METTL8: variants seen among roughly 807,000 people sequenced by gnomAD.
METTL8 encodes the protein methyltransferase 8, tRNA N3-cytidine, also known as tRNA N(3)-cytidine methyltransferase METTL8, mitochondrial.
A neutral mutation model predicts 48.7 loss-of-function variants in METTL8; 32 were observed. That is an observed-to-expected ratio of 0.66 (90% confidence interval 0.50 to 0.88). METTL8 has a LOEUF of 0.88. Ranked by LOEUF, METTL8 falls within the 40% of genes least tolerant of loss-of-function variation. The pLI is 0.00. For missense variants in METTL8, 464 were observed against 474.4 expected, an observed-to-expected ratio of 0.98 and a Z score of 0.20; for synonymous variants, 136 against 157.1, an observed-to-expected ratio of 0.87 and a Z score of 1.01.
In METTL8 at chr2:171,392,659, C is replaced by T. The variant is rs193152496; in HGVS notation, c.-12-462G>A. 4.1e-4 allele frequency among the ~76,000 whole-genome samples: 63 copies of T among 152,072 alleles called. 1 individual carries two copies. The highest frequency in any genetic ancestry group is 3.5e-3 in the Admixed American group (53 of 15,268). ...AAACAAACCTGTAACTCTCATTCTC[C>T]GTGCTGAACTGAATAATATGAAAAT... On this transcript the variant is annotated intron_variant, in intron 1 of 9. Coordinates refer to ENST00000375258, the MANE Select transcript of METTL8 (RefSeq NM_001321154.2).
intron 4 of METTL8, among the ~76,000 whole-genome samples, chr2:171,337,844 A>G (rs1388394033): frequency 6.6e-6 from 1 of 152,280 alleles, no homozygotes; most frequent in East Asian, 1.9e-4. Flanking sequence ...ACAGAACAAA[A>G]AAGAAGTACA....
At chr2:171,418,223 G>T (rs1691513441) in intron 1 of METTL8, among the ~76,000 whole-genome samples, 1 of 152,126 alleles carries the variant, frequency 6.6e-6, no homozygotes, top group African/African-American at 2.4e-5. Flanking sequence ...GATTACAGGT[G>T]TGAGCCACCG....
chr2:171,358,836 A>T (rs1684859473), intron 3 of METTL8, among the ~76,000 whole-genome samples: 1 of 152,196 alleles, frequency 6.6e-6, no homozygotes. Flanking sequence ...ATATCATGCT[A>T]ACAAGCACCT....
chr2:171,332,868 G>A (rs1384533398), intron 5 of METTL8: 1 of 152,190 alleles, frequency 6.6e-6, no homozygotes, highest in Non-Finnish European at 1.5e-5. Flanking sequence ...GAGTTTAGAA[G>A]TGGGAGTCAC....
At chr2:171,397,574 AAGAGAG>A (rs887919554) in intron 1 of METTL8, among the ~76,000 whole-genome samples, 3 of 148,176 alleles carry the variant, frequency 2.0e-5, no homozygotes, top group African/African-American at 7.5e-5. Flanking sequence ...AAAAAAAAAA[AAGAGAG>A]AGAGAGAGGG....
At chr2:171,434,301 T>C (rs546120602), upstream of METTL8, 6 of 607,626 alleles carry the variant, frequency 9.9e-6, no homozygotes, top group South Asian at 7.6e-5. Flanking sequence ...GGCCGCGCGG[T>C]ACCGGAGCGT....
intron 1 of METTL8, among the ~76,000 whole-genome samples, chr2:171,401,678 T>C (rs1046056020): frequency 2.0e-5 from 3 of 152,140 alleles, no homozygotes; most frequent in African/African-American, 7.2e-5. Context: ...TATTCTTATT[T>C]CTCTGGACGT....
Position 171,421,904 on chromosome 2 carries a change from T to C in METTL8, c.-13+11979A>G, listed in dbSNP as rs572192384. ...ATAGGATTATTTGATATTGTAAAGATGTCAGTTCTCTTCAAACTGATATAC... is the reference window on the plus strand; with the variant it reads ...ATAGGATTATTTGATATTGTAAAGACGTCAGTTCTCTTCAAACTGATATAC... On this transcript the variant is annotated intron_variant, in intron 1 of 9. Transcript: ENST00000375258. 5.9e-5 allele frequency among the ~76,000 whole-genome samples: 9 copies of C among 152,318 alleles called. No individual in the cohort carries two copies. In the South Asian group the frequency reaches 1.0e-3, roughly 18 times the overall value.
intron 3 of METTL8, among the ~76,000 whole-genome samples, chr2:171,357,788 G>A (rs75307382): frequency 0.013 from 1,977 of 151,976 alleles, 25 homozygotes; most frequent in South Asian, 0.032. Context: ...TCAAACTCCC[G>A]GGTTCAAATG....
chr2:171,393,151 T>C lies in METTL8; in HGVS notation c.-12-954A>G, dbSNP rs547860254. The stretch of plus-strand genomic sequence containing the variant: ...AATGCATGCTTAAGGCCAGCTGCAG[T>C]GGCTCATGCCTATAATCCCAACATT... On this transcript the variant is annotated intron_variant, in intron 1 of 9. Transcript: ENST00000375258. 3.3e-5 allele frequency among the ~76,000 whole-genome samples: 5 copies of C among 151,998 alleles called. No individual in the cohort carries two copies. The South Asian group carries it at 1.0e-3, about 32-fold the overall frequency.
At chr2:171,361,751 C>G (rs751187259) in intron 2 of METTL8, among the ~76,000 whole-genome samples, 1 of 152,152 alleles carries the variant, frequency 6.6e-6, no homozygotes, top group Non-Finnish European at 1.5e-5. Flanking sequence ...ATCTTCTCAA[C>G]TATTAGTCTA....
intron 2 of METTL8, among the ~76,000 whole-genome samples, chr2:171,385,829 C>A (rs1687998142): frequency 6.6e-6 from 1 of 152,206 alleles, no homozygotes; most frequent in Non-Finnish European, 1.5e-5. Flanking sequence ...GTCAGGTTTG[C>A]TTTTATCTTT....
At chr2:171,403,867 A>G (rs1689881877) in intron 1 of METTL8, among the ~76,000 whole-genome samples, 1 of 151,478 alleles carries the variant, frequency 6.6e-6, no homozygotes, top group East Asian at 1.9e-4. Flanking sequence ...ATGTACACCA[A>G]ATTAAGCAGT....
chr2:171,354,828 C>T (rs1444180456), intron 3 of METTL8, among the ~76,000 whole-genome samples: 1 of 152,058 alleles, frequency 6.6e-6, no homozygotes, highest in Non-Finnish European at 1.5e-5. Flanking sequence ...TTAAGGACTT[C>T]TCTACGCTGT....
intron 1 of METTL8, among the ~76,000 whole-genome samples, chr2:171,419,790 T>C (rs898489878): frequency 2.0e-5 from 3 of 152,146 alleles, no homozygotes; most frequent in Non-Finnish European, 4.4e-5. Context: ...CACTCTGTGC[T>C]GTACATAACA....
At position 171,322,898 on chromosome 2, in the gene METTL8, T is replaced by A. The variant is rs1050135081; in HGVS notation, c.*1274A>T. On this transcript the variant is annotated 3_prime_UTR_variant, in exon 10 of 10. Transcript: ENST00000375258. ...TCAGGCCTCCCCTTTGTAGACCATA[T>A]GGGTAACTTCCTGATGTTGCCATGG... The A allele has an allele frequency of 2.0e-5, 3 of 152,254 alleles. No individual in the cohort carries two copies. Among genetic ancestry groups the A allele is most frequent in the African/African-American group, 7.2e-5 (3 of 41,474 alleles). 9.4% of individuals were successfully genotyped at this position (152,254 alleles called of 1,614,324 possible). A position where few individuals can be genotyped will look rare whatever the true frequency, so the allele number is the denominator to read the frequency against.
chr2:171,420,100 C>T (rs556648434), intron 1 of METTL8, among the ~76,000 whole-genome samples: 5 of 152,156 alleles, frequency 3.3e-5, no homozygotes, highest in African/African-American at 1.2e-4. Flanking sequence ...CCTGTAATCC[C>T]AGCACTTTGG....
chr2:171,370,226 T>A (rs576115250), intron 2 of METTL8, among the ~76,000 whole-genome samples: 9 of 152,294 alleles, frequency 5.9e-5, no homozygotes, highest in Admixed American at 3.3e-4. Flanking sequence ...TTCTTTTCTT[T>A]CTGTTTTCTT....
chr2:171,395,955 A>G (rs959261885), intron 1 of METTL8, among the ~76,000 whole-genome samples: 47 of 152,310 alleles, frequency 3.1e-4, no homozygotes, highest in African/African-American at 9.4e-4. Flanking sequence ...ACGCTGGGCT[A>G]TAAAACAAGT....
Sources: allele counts gnomAD v4.1 joint callset (sites outside exome capture counted in the v4.1 genomes callset), GRCh38; gene constraint gnomAD v4.1.1; transcripts MANE v1.5; gene names NCBI Gene and HGNC (gene_info 2026-07-23, HGNC 2026-07-21).